Variants in FHAD1 observed in about 807,000 individuals in gnomAD.
FHAD1 encodes the protein forkhead-associated domain-containing protein 1.
A neutral mutation model predicts 191.3 loss-of-function variants in FHAD1; 146 were observed. The observed-to-expected ratio is 0.76, with a 90% CI of 0.67 to 0.88. The LOEUF (loss-of-function observed/expected upper bound fraction) is 0.88, where lower values mean the gene tolerates loss of function less well. Among genes scored for constraint, FHAD1 ranks in the 40% least tolerant of loss-of-function variants. The probability of loss-of-function intolerance (pLI) is 0.00; values close to 1 mark genes in which losing one functional copy is unlikely to be tolerated. For missense variants in FHAD1, 1,635 were observed against 1,785.8 expected, an observed-to-expected ratio of 0.92 and a Z score of 1.52; for synonymous variants, 616 against 672.3, an observed-to-expected ratio of 0.92 and a Z score of 1.29.
intron 26 of FHAD1, among the ~76,000 whole-genome samples, chr1:15,370,562 C>T (rs974018616): frequency 4.6e-5 from 7 of 152,150 alleles, no homozygotes; most frequent in African/African-American, 7.2e-5. Flanking sequence ...ACTGCCTTCC[C>T]GAAGAGCCAC....
At chr1:15,345,634 G>A (rs540862132) in intron 18 of FHAD1, 111 bp downstream of exon 18, 46 of 890,066 alleles carry the variant, frequency 5.2e-5, no homozygotes, top group Non-Finnish European at 7.9e-5. Context: ...CCTTCCTCGT[G>A]GAGTTTGCGT....
At position 15,253,140 on chromosome 1, in the gene FHAD1, C is replaced by T. The variant is rs532054176; in HGVS notation, c.93+1263C>T. ...AACAATATCAAAACCAGGAAATTGA[C>T]ATAAGTGCTGTGTGTGTGTGTGTGT... On this transcript the variant is annotated intron_variant, in intron 2 of 33. Transcript: ENST00000688493. 2.4e-4 allele frequency among the ~76,000 whole-genome samples: 35 copies of T among 143,776 alleles called. No homozygotes were observed. The South Asian group carries it at 7.0e-3, about 29-fold the overall frequency. The allele number at this position is 143,776 out of a possible 152,430, so 94.3% of individuals were successfully genotyped here.
chr1:15,359,985 C>T (rs150384647), intron 21 of FHAD1, among the ~76,000 whole-genome samples: 2 of 152,086 alleles, frequency 1.3e-5, no homozygotes, highest in Non-Finnish European at 2.9e-5. Flanking sequence ...TGTTGGCGCA[C>T]ACCTGTAGTT....
intron 11 of FHAD1, chr1:15,326,628 G>A (rs1678723903): frequency 6.4e-6 from 1 of 156,224 alleles, no homozygotes; most frequent in African/African-American, 2.4e-5. Flanking sequence ...AATGGAGAAA[G>A]GGAGAACACT....
Position 15,311,408 on chromosome 1 carries a change from CCA to C in FHAD1, c.1040-1648_1040-1647del, listed in dbSNP as rs572928986. 3.4e-4 allele frequency among the ~76,000 whole-genome samples: 52 copies of C among 152,272 alleles called. No individual in the cohort carries two copies. The Middle Eastern group carries it at 0.01, about 30-fold the overall frequency. ...GGCCTGAGAGTAGCTCACTTTCCCA[CCA>C]TCCAGAATGGGGCAACCTTGCACTA... On this transcript the variant is annotated intron_variant, in intron 7 of 33. Coordinates refer to ENST00000688493, the MANE Select transcript of FHAD1 (RefSeq NM_001391957.1). The surrounding 1 kb of genome is among the most constrained non-coding windows in gnomAD (Gnocchi z 4.1).
At chr1:15,383,560 C>G (rs74057324) in intron 31 of FHAD1, 1 of 334,260 alleles carries the variant, frequency 3.0e-6, no homozygotes, top group Admixed American at 3.8e-5. Context: ...TCATCCACTC[C>G]TGCAGTCCAC....
In FHAD1 at chr1:15,341,639, G is replaced by C; in HGVS notation, c.1978-97G>C. Reference sequence around the variant, plus strand: ...TTAAGAAACTTTTGGGTAAACCTTTGTACCCAGAAAGGTAAACAATTGGTA... The same window carrying C: ...TTAAGAAACTTTTGGGTAAACCTTTCTACCCAGAAAGGTAAACAATTGGTA... On this transcript the variant is annotated intron_variant, in intron 15 of 33. Transcript: ENST00000688493. 3 of 1,090,312 alleles carry C rather than the reference G, an allele frequency of 2.8e-6. No homozygotes were observed. The South Asian group carries it at 5.5e-5, about 20-fold the overall frequency. The allele number at this position is 1,090,312 out of a possible 1,614,324, so 67.5% of individuals were successfully genotyped here.
At chr1:15,387,938 A>G in intron 31 of FHAD1, 113 bp from the exon 32 acceptor site, 1 of 440,666 alleles carries the variant, frequency 2.3e-6, no homozygotes, top group South Asian at 1.7e-5. Flanking sequence ...CTGCCCACCT[A>G]TCTCAGTGAG....
chr1:15,376,298 G>C (rs932022517), intron 28 of FHAD1, among the ~76,000 whole-genome samples: 10 of 151,986 alleles, frequency 6.6e-5, no homozygotes, highest in Non-Finnish European at 1.3e-4. Flanking sequence ...CACCTTGTTA[G>C]CCAGGATGGT....
chr1:15,240,935 T>C (rs1447513625), intron 1 of FHAD1, among the ~76,000 whole-genome samples: 2 of 132,336 alleles, frequency 1.5e-5, no homozygotes, highest in East Asian at 4.4e-4. Flanking sequence ...CCAGCCAGGC[T>C]GACAGAGCGA....
At chr1:15,285,448 G>T (rs554647301) in intron 3 of FHAD1, among the ~76,000 whole-genome samples, 2 of 152,132 alleles carry the variant, frequency 1.3e-5, no homozygotes, top group Non-Finnish European at 2.9e-5. Flanking sequence ...CAGGAGAATC[G>T]CTGGAACCCA....
Position 15,329,787 on chromosome 1 carries a change from C to T in FHAD1, c.1906+246C>T. 1 of 489,228 alleles carries T rather than the reference C, an allele frequency of 2.0e-6. No individual in the cohort carries two copies. Among genetic ancestry groups the T allele is most frequent in the Non-Finnish European group, 3.7e-6 (1 of 271,690 alleles). The allele number at this position is 489,228 out of a possible 1,614,324, so 30.3% of individuals were successfully genotyped here. ...AACAGAGGCAAAAGGAAAATTAAAT[C>T]GAAATTATGCAAAGTCTAATTACGC... On this transcript the variant is annotated intron_variant, in intron 14 of 33. Coordinates refer to ENST00000688493, the MANE Select transcript of FHAD1 (RefSeq NM_001391957.1). The surrounding 1 kb of genome is among the most constrained non-coding windows in gnomAD (Gnocchi z 5.0).
chr1:15,369,310 A>G, intron 25 of FHAD1, 60 bp from the exon 26 acceptor site: 1 of 1,522,252 alleles, frequency 6.6e-7, no homozygotes, highest in South Asian at 1.2e-5. Flanking sequence ...TCTTCCAATG[A>G]GTGTAAAAGT....
chr1:15,296,851 C>T, intron 5 of FHAD1, 58 bp downstream of exon 5: 2 of 1,374,230 alleles, frequency 1.5e-6, no homozygotes, highest in Non-Finnish European at 2.0e-6. Flanking sequence ...TGCAAAGGGA[C>T]TTGCCGATGC....
rs779333647 is a variant in FHAD1 at position 15,374,633 on chromosome 1, TA to T, written c.3577+4del. ...AACTCGAGAAGGCGCGCTCACCAGGTAAGTCTCCTCCTTCCTAGTCAGAGCA... is the reference window on the plus strand; with the variant it reads ...AACTCGAGAAGGCGCGCTCACCAGGTAGTCTCCTCCTTCCTAGTCAGAGCA... On this transcript the variant is annotated splice_donor_region_variant and intron_variant, in intron 27 of 33. Transcript: ENST00000688493. The T allele has an allele frequency of 8.4e-6, 13 of 1,551,018 alleles. No homozygotes were observed. Among genetic ancestry groups the T allele is most frequent in the Non-Finnish European group, 1.0e-5 (12 of 1,146,950 alleles).
intron 27 of FHAD1, among the ~76,000 whole-genome samples, chr1:15,374,848 G>GTTTTTGTTT (rs1699106627): frequency 1.9e-5 from 2 of 107,654 alleles, no homozygotes; most frequent in Admixed American, 8.4e-5. Flanking sequence ...ACTATTGTAC[G>GTTTTTGTTT]TTTTTTTTTT....
intron 32 of FHAD1, among the ~76,000 whole-genome samples, chr1:15,390,861 T>C (rs1246408790): frequency 1.3e-5 from 2 of 152,126 alleles, no homozygotes; most frequent in Non-Finnish European, 2.9e-5. Flanking sequence ...TTCCACTTGC[T>C]CTGGGAGGCG....
At chr1:15,384,863 G>A (rs1474688992) in intron 31 of FHAD1, among the ~76,000 whole-genome samples, 1 of 152,176 alleles carries the variant, frequency 6.6e-6, no homozygotes, top group Non-Finnish European at 1.5e-5. Flanking sequence ...GAGGGCTGCC[G>A]GGCATCTGCC....
Position 15,365,914 on chromosome 1 carries a change from C to A in FHAD1, c.3135C>A (p.Ser1045Arg), listed in dbSNP as rs1335335456. 3 of 1,551,036 alleles carry A rather than the reference C, an allele frequency of 1.9e-6. No homozygotes were observed. The highest frequency in any genetic ancestry group is 2.6e-6 in the Non-Finnish European group (3 of 1,146,386). ...GGAAAGACCTTACCGAAGCCCACAGCAGAATGTCGGATTTGAGAGGTTTGA... is the reference window on the plus strand; with the variant it reads ...GGAAAGACCTTACCGAAGCCCACAGAAGAATGTCGGATTTGAGAGGTTTGA... ...KLRKDLTEAH[S>R]RMSDLRGELN... Residue 1045 changes from serine (S) to arginine (R), a missense_variant, in exon 24 of 34, where the codon AGC becomes AGA. Coordinates refer to ENST00000688493, the MANE Select transcript of FHAD1 (RefSeq NM_001391957.1).
Sources: gnomAD v4.1 joint callset for allele counts (sites outside exome capture counted in the v4.1 genomes callset) on GRCh38, gnomAD v4.1.1 for gene constraint, Gnocchi (gnomAD v3.1) non-coding constraint, MANE v1.5 for transcripts, NCBI Gene and HGNC (gene_info 2026-07-23, HGNC 2026-07-21) for gene names.